Variants in B3GALT1 observed in about 807,000 individuals in gnomAD.
B3GALT1 encodes the protein UDP-Gal:betaGlcNAc beta 1,3-galactosyltransferase, polypeptide 1.
B3GALT1 carries 10 observed loss-of-function variants against 23.2 expected under a neutral mutation model. That is an observed-to-expected ratio of 0.43 (90% confidence interval 0.27 to 0.73). The LOEUF is 0.73. B3GALT1 is among the 30% of genes least tolerant of loss of function. The pLI, the probability that B3GALT1 is intolerant of heterozygous loss-of-function variation, is 0.21. For synonymous variants in B3GALT1, 156 were observed against 141.5 expected, an observed-to-expected ratio of 1.10 and a Z score of -0.73; for missense variants, 299 against 405.4, an observed-to-expected ratio of 0.74 and a Z score of 2.25.
At chr2:167,645,928 G>C (rs1685742207) in intron 2 of B3GALT1, among the ~76,000 whole-genome samples, 1 of 151,974 alleles carries the variant, frequency 6.6e-6, no homozygotes, top group African/African-American at 2.4e-5. Flanking sequence ...TAAAATGTCT[G>C]TGTGAGTTTA....
intron 2 of B3GALT1, among the ~76,000 whole-genome samples, chr2:167,580,288 A>G (rs1261515495): frequency 6.6e-6 from 1 of 152,234 alleles, no homozygotes; most frequent in Non-Finnish European, 1.5e-5. Flanking sequence ...TTACTCTAAA[A>G]TAAACCCTAT....
chr2:167,575,184 C>T (rs1224367700), intron 2 of B3GALT1, among the ~76,000 whole-genome samples: 1 of 151,698 alleles, frequency 6.6e-6, no homozygotes, highest in African/African-American at 2.4e-5. Flanking sequence ...AGAAGAATAG[C>T]TGAACACAGT....
chr2:167,316,924 A>G (rs1696729288), intron 1 of B3GALT1, among the ~76,000 whole-genome samples: 1 of 152,078 alleles, frequency 6.6e-6, no homozygotes. Flanking sequence ...TAACAAAGGG[A>G]ATATCATAGC....
intron 1 of B3GALT1, among the ~76,000 whole-genome samples, chr2:167,365,677 T>C (rs1697574860): frequency 6.6e-6 from 1 of 151,806 alleles, no homozygotes; most frequent in Non-Finnish European, 1.5e-5. Flanking sequence ...AAATTGTGCC[T>C]TGTTTTTGCT....
At chr2:167,326,554 T>G (rs890599954) in intron 1 of B3GALT1, among the ~76,000 whole-genome samples, 3 of 152,114 alleles carry the variant, frequency 2.0e-5, no homozygotes, top group African/African-American at 7.2e-5. Context: ...TCTGGTAGAT[T>G]TATAGTCTTG....
intron 2 of B3GALT1, among the ~76,000 whole-genome samples, chr2:167,637,197 G>C (rs940137514): frequency 6.6e-6 from 1 of 151,916 alleles, no homozygotes; most frequent in African/African-American, 2.4e-5. Context: ...CTTCGACTTT[G>C]TGGTGCACGT....
intron 3 of B3GALT1, among the ~76,000 whole-genome samples, chr2:167,718,415 T>A (rs531772395): frequency 6.6e-6 from 1 of 152,330 alleles, no homozygotes; most frequent in East Asian, 1.9e-4. Context: ...AATGTATTCT[T>A]AATAAATATT....
intron 3 of B3GALT1, among the ~76,000 whole-genome samples, chr2:167,735,308 A>T (rs185295960): frequency 1.3e-5 from 2 of 152,358 alleles, no homozygotes; most frequent in Admixed American, 1.3e-4. Flanking sequence ...TCTGGGGGCC[A>T]TTCTTTTATT....
chr2:167,523,335 GA>G (rs1683142823), intron 2 of B3GALT1, among the ~76,000 whole-genome samples: 1 of 151,790 alleles, frequency 6.6e-6, no homozygotes, highest in South Asian at 2.1e-4. Flanking sequence ...GGTATGTAAT[GA>G]AAAGTCTCCA....
At chr2:167,863,290 C>CTATT (rs1690141789) in intron 4 of B3GALT1, among the ~76,000 whole-genome samples, 1 of 152,062 alleles carries the variant, frequency 6.6e-6, no homozygotes, top group Admixed American at 6.5e-5. Flanking sequence ...AACAGCAATA[C>CTATT]TATTTCTTTA....
At chr2:167,551,654 C>T (rs1391746354) in intron 2 of B3GALT1, among the ~76,000 whole-genome samples, 1 of 152,134 alleles carries the variant, frequency 6.6e-6, no homozygotes, top group African/African-American at 2.4e-5. Flanking sequence ...ATGAGGGGTG[C>T]AGTCATCTCC....
intron 1 of B3GALT1, among the ~76,000 whole-genome samples, chr2:167,330,596 C>T (rs890741660): frequency 1.3e-5 from 2 of 152,108 alleles, no homozygotes; most frequent in Admixed American, 6.5e-5. Flanking sequence ...AGCGACAGAG[C>T]GCGACCCAGC....
intron 3 of B3GALT1, among the ~76,000 whole-genome samples, chr2:167,768,404 G>T (rs1439423026): frequency 6.6e-6 from 1 of 151,930 alleles, no homozygotes; most frequent in African/African-American, 2.4e-5. Context: ...TTTCTTTAAA[G>T]AAAATAGTCA....
At position 167,452,381 on chromosome 2, in the gene B3GALT1, T is replaced by G. The variant is rs113970761; in HGVS notation, c.-510-37796T>G. 6.6e-5 allele frequency among the ~76,000 whole-genome samples: 10 copies of G among 152,326 alleles called. No homozygotes were observed. In the East Asian group the frequency reaches 7.7e-4, roughly 12 times the overall value. ...AGCCCACAAGTCTCTTCCTGCTGCT[T>G]CTTCTATCCCTGTATTTCACTCGGC... On this transcript the variant is annotated intron_variant, in intron 1 of 4. Coordinates refer to ENST00000392690, the MANE Select transcript of B3GALT1 (RefSeq NM_020981.4).
At chr2:167,850,046 G>A (rs1326161632) in intron 4 of B3GALT1, among the ~76,000 whole-genome samples, 2 of 152,110 alleles carry the variant, frequency 1.3e-5, no homozygotes, top group Admixed American at 1.3e-4. Context: ...AAATCACTGG[G>A]ACCTAATTAA....
At chr2:167,805,903 A>G (rs926559520) in intron 3 of B3GALT1, among the ~76,000 whole-genome samples, 4 of 152,118 alleles carry the variant, frequency 2.6e-5, no homozygotes, top group African/African-American at 4.8e-5. Flanking sequence ...CATTGAATCT[A>G]TAAATTACCT....
chr2:167,645,490 C>T (rs1296573452), intron 2 of B3GALT1, among the ~76,000 whole-genome samples: 1 of 151,280 alleles, frequency 6.6e-6, no homozygotes, highest in Non-Finnish European at 1.5e-5. Flanking sequence ...GTCAACACAT[C>T]TCATGACACT....
At chr2:167,596,989 C>T (rs768194290) in intron 2 of B3GALT1, among the ~76,000 whole-genome samples, 6 of 152,052 alleles carry the variant, frequency 3.9e-5, no homozygotes, top group Non-Finnish European at 5.9e-5. Flanking sequence ...AAAGAACTTG[C>T]GACTTATCCA....
chr2:167,578,195 G>A (rs1684418355), intron 2 of B3GALT1, among the ~76,000 whole-genome samples: 1 of 151,932 alleles, frequency 6.6e-6, no homozygotes, highest in Admixed American at 6.6e-5. Flanking sequence ...TCTGGAAAGG[G>A]CCATTCAGAT....
Sources: gnomAD v4.1 joint callset for allele counts (sites outside exome capture counted in the v4.1 genomes callset) on GRCh38, gnomAD v4.1.1 for gene constraint, MANE v1.5 for transcripts, NCBI Gene and HGNC (gene_info 2026-07-23, HGNC 2026-07-21) for gene names.